Variants in SEPTIN2 observed in about 807,000 individuals in gnomAD.
SEPTIN2 encodes the protein septin-2.
In SEPTIN2, 34 loss-of-function variants were observed where a neutral mutation model predicts 46.5. The ratio of observed to expected loss-of-function variants is 0.73; its 90% CI spans 0.56 to 0.97. SEPTIN2 has a LOEUF of 0.97. Among genes scored for constraint, SEPTIN2 ranks in the 50% least tolerant of loss-of-function variants. SEPTIN2 has a pLI of 0.00. For synonymous variants in SEPTIN2, 175 were observed against 153.4 expected, an observed-to-expected ratio of 1.14 and a Z score of -1.04; for missense variants, 347 against 448.4, an observed-to-expected ratio of 0.77 and a Z score of 2.04.
chr2:241,343,587 A>G (rs762881978), intron 8 of SEPTIN2, among the ~76,000 whole-genome samples, 165 bp from the exon 9 acceptor site: 2 of 152,218 alleles, frequency 1.3e-5, no homozygotes, highest in African/African-American at 2.4e-5. Context: ...TGTCCCATGT[A>G]GAAAGTATCT....
intron 5 of SEPTIN2, chr2:241,337,178 C>T: frequency 1.9e-6 from 1 of 529,894 alleles, no homozygotes; most frequent in East Asian, 3.1e-5. Context: ...AGGCTTTTGA[C>T]TCTCAGCACT....
intron 3 of SEPTIN2, among the ~76,000 whole-genome samples, chr2:241,328,893 G>C (rs925264999): frequency 2.6e-5 from 4 of 151,184 alleles, no homozygotes; most frequent in African/African-American, 9.7e-5. Context: ...GGTGGTGGAG[G>C]CCTGTAATCC....
At chr2:241,336,198 G>T in intron 5 of SEPTIN2, 100 bp downstream of exon 5, 1 of 1,233,874 alleles carries the variant, frequency 8.1e-7, no homozygotes, top group South Asian at 1.5e-5. Context: ...TGGGATTGCT[G>T]TATATAATAA....
rs560606201 is a variant in SEPTIN2 at position 241,350,092 on chromosome 2, T to C, written c.1004T>C (p.Met335Thr). ...KEAELRRMQE[M>T]IARMQAQMQM... Reference sequence around the variant, plus strand: ...TCACAGCTCCGCCGCATGCAAGAGATGATTGCAAGGATGCAGGCGCAGATG... The same window carrying C: ...TCACAGCTCCGCCGCATGCAAGAGACGATTGCAAGGATGCAGGCGCAGATG... Residue 335 changes from methionine to threonine, a missense_variant, in exon 12 of 13, where the codon ATG becomes ACG. By Grantham distance (81) the Met-to-Thr change is moderately conservative (BLOSUM62 -1). Transcript: ENST00000391971. 6.2e-7 allele frequency: 1 copy of C among 1,614,062 alleles called. No homozygotes were observed. The highest frequency in any genetic ancestry group is 1.1e-5 in the South Asian group (1 of 91,074).
At chr2:241,344,239 ACAGT>A (rs1434919315) in intron 9 of SEPTIN2, among the ~76,000 whole-genome samples, 6 of 152,262 alleles carry the variant, frequency 3.9e-5, no homozygotes, top group Admixed American at 2.0e-4. Context: ...TGGTAAGGAA[ACAGT>A]CAGGCTGTAT....
At chr2:241,351,054 T>A (rs772657909) in intron 12 of SEPTIN2, among the ~76,000 whole-genome samples, 19 of 152,142 alleles carry the variant, frequency 1.2e-4, no homozygotes, top group Non-Finnish European at 2.5e-4. Context: ...GATCTGAGGA[T>A]GAAACGCTGG....
intron 7 of SEPTIN2, 31 bp from the exon 8 acceptor site, chr2:241,342,960 TA>T: frequency 7.8e-7 from 1 of 1,286,192 alleles, no homozygotes; most frequent in Non-Finnish European, 1.1e-6. Context: ...CGCAGTTTGC[TA>T]AAATTGATCC....
At chr2:241,338,894 T>A (rs28668105) in intron 7 of SEPTIN2, among the ~76,000 whole-genome samples, 3 of 79,890 alleles carry the variant, frequency 3.8e-5, no homozygotes, top group East Asian at 2.5e-4. Context: ...TAATATATAT[T>A]ATATATATTA....
At chr2:241,318,991 C>T (rs1012914731) in intron 1 of SEPTIN2, among the ~76,000 whole-genome samples, 1 of 152,156 alleles carries the variant, frequency 6.6e-6, no homozygotes, top group Non-Finnish European at 1.5e-5. Context: ...CTACCGCACC[C>T]AGCCGAGTAT....
intron 12 of SEPTIN2, 45 bp downstream of exon 12, chr2:241,350,248 C>CATG: frequency 1.8e-6 from 2 of 1,134,606 alleles, no homozygotes; most frequent in Non-Finnish European, 2.5e-6. Flanking sequence ...CAGTTACTAA[C>CATG]ATTGTGTCAG....
intron 1 of SEPTIN2, chr2:241,316,393 C>G: frequency 2.9e-6 from 3 of 1,047,978 alleles, no homozygotes; most frequent in East Asian, 3.0e-5. Context: ...GCCATCTTGT[C>G]TTTCTAACGG....
intron 7 of SEPTIN2, among the ~76,000 whole-genome samples, chr2:241,341,898 A>G (rs2081300422): frequency 6.6e-6 from 1 of 152,198 alleles, no homozygotes; most frequent in African/African-American, 2.4e-5. Context: ...AATGCCCACC[A>G]TGCAATGAGC....
At chr2:241,349,047 G>T (rs537811666) in intron 11 of SEPTIN2, among the ~76,000 whole-genome samples, 1 of 152,198 alleles carries the variant, frequency 6.6e-6, no homozygotes, top group East Asian at 1.9e-4. Context: ...ATAATGATAA[G>T]GATAAAGATG....
rs187396122 is a variant in SEPTIN2 at position 241,335,904 on chromosome 2, C to G, written c.218-71C>G. 11 of 1,604,710 alleles carry G rather than the reference C, an allele frequency of 6.9e-6. No individual in the cohort carries two copies. In the East Asian group the frequency reaches 2.5e-4, roughly 36 times the overall value. The stretch of plus-strand genomic sequence containing the variant: ...GAGAGGCAGTAGACTCTGAAGTCAC[C>G]TGTCGTAAGAACGTGAGCTTTCCTC... On this transcript the variant is annotated intron_variant, in intron 4 of 12. Coordinates refer to ENST00000391971, the MANE Select transcript of SEPTIN2 (RefSeq NM_004404.5).
Position 241,348,204 on chromosome 2 carries a change from G to A in SEPTIN2, c.984+13G>A, listed in dbSNP as rs371399786. On this transcript the variant is annotated intron_variant, in intron 11 of 12. Coordinates refer to ENST00000391971, the MANE Select transcript of SEPTIN2 (RefSeq NM_004404.5). ...AAAAGAAGCTGAGGTAAGTAGGAAA[G>A]TACTATTGGTTGGTTGGTTGGTTGG... is the stretch of plus-strand genomic sequence containing the variant. 5 of 1,609,116 alleles carry A rather than the reference G, an allele frequency of 3.1e-6. No homozygotes were observed. In the Admixed American group the frequency reaches 5.0e-5, roughly 16 times the overall value.
intron 2 of SEPTIN2, 72 bp from the exon 3 acceptor site, chr2:241,325,921 G>A (rs554943690): frequency 1.4e-6 from 2 of 1,428,116 alleles, no homozygotes; most frequent in Admixed American, 2.2e-5. Context: ...TTTGTTTCAT[G>A]TCTAACTGAT....
At chr2:241,332,451 C>T (rs1487520766) in intron 3 of SEPTIN2, among the ~76,000 whole-genome samples, 3 of 152,150 alleles carry the variant, frequency 2.0e-5, no homozygotes, top group South Asian at 2.1e-4. Flanking sequence ...CAGGGGAATA[C>T]GCATTGAAAC....
intron 7 of SEPTIN2, among the ~76,000 whole-genome samples, chr2:241,337,998 C>T (rs900075020): frequency 6.6e-6 from 1 of 152,146 alleles, no homozygotes; most frequent in Non-Finnish European, 1.5e-5. Flanking sequence ...AATTTCTATT[C>T]TTTAAATTCT....
At chr2:241,324,056 C>A (rs1227435326) in intron 1 of SEPTIN2, 160 bp from the exon 2 acceptor site, 18 of 608,404 alleles carry the variant, frequency 3.0e-5, no homozygotes, top group Non-Finnish European at 5.2e-5. Flanking sequence ...TTCCCTTTGG[C>A]CTAATGCATT....
Sources: gnomAD v4.1 joint callset for allele counts (sites outside exome capture counted in the v4.1 genomes callset) on GRCh38, gnomAD v4.1.1 for gene constraint, MANE v1.5 for transcripts, NCBI Gene and HGNC (gene_info 2026-07-23, HGNC 2026-07-21) for gene names.